RPS6KC1: variants seen among roughly 807,000 people sequenced by gnomAD.
RPS6KC1 encodes the protein ribosomal protein S6 kinase C1.
RPS6KC1 carries 54 observed loss-of-function variants against 103.8 expected under a neutral mutation model. The ratio of observed to expected loss-of-function variants is 0.52; its 90% CI spans 0.42 to 0.65. The LOEUF is 0.65. RPS6KC1 is among the 30% of genes least tolerant of loss of function. RPS6KC1 has a pLI of 0.00. For missense variants in RPS6KC1, 1,151 were observed against 1,253.8 expected (o/e 0.92, Z 1.24); for synonymous variants, 439 against 438.7 (o/e 1.00, Z -0.01).
chr1:213,752,938 C>T, the RPS6KC1 span, among the ~76,000 whole-genome samples: 1 of 152,212 alleles, frequency 6.6e-6, no homozygotes. Context: ...TTCAACCCTT[C>T]TTTCTGAGAT....
chr1:213,805,209 G>T, the RPS6KC1 span, among the ~76,000 whole-genome samples: 1 of 152,204 alleles, frequency 6.6e-6, no homozygotes, highest in East Asian at 1.9e-4. Flanking sequence ...GAGGGTTAGG[G>T]TGGCTGTGAC....
At chr1:213,509,120 T>C in the RPS6KC1 span, among the ~76,000 whole-genome samples, 2 of 152,150 alleles carry the variant, frequency 1.3e-5, no homozygotes, top group African/African-American at 4.8e-5. Flanking sequence ...GACATTTTGG[T>C]AGTAAGGTGT....
the RPS6KC1 span, among the ~76,000 whole-genome samples, chr1:213,386,988 C>A: frequency 6.6e-6 from 1 of 152,034 alleles, no homozygotes; most frequent in Non-Finnish European, 1.5e-5. Context: ...GCTCTTGCAT[C>A]TTTTTCTCTC....
the RPS6KC1 span, among the ~76,000 whole-genome samples, chr1:213,374,405 A>G: frequency 6.6e-6 from 1 of 152,148 alleles, no homozygotes. Flanking sequence ...CTGCAGAACT[A>G]AGGTCCAATG....
At chr1:213,214,141 G>C (rs2093593720) in intron 8 of RPS6KC1, among the ~76,000 whole-genome samples, 1 of 152,216 alleles carries the variant, frequency 6.6e-6, no homozygotes, top group Non-Finnish European at 1.5e-5. Flanking sequence ...GGAAAGAGAT[G>C]ACAGATGGCA....
intron 8 of RPS6KC1, among the ~76,000 whole-genome samples, chr1:213,212,044 G>GTACATTTAT (rs1388911031): frequency 3.4e-4 from 51 of 152,142 alleles, no homozygotes; most frequent in Admixed American, 3.3e-3. Flanking sequence ...CACCAGAGTG[G>GTACATTTAT]TACATTTATT....
the RPS6KC1 span, among the ~76,000 whole-genome samples, chr1:213,640,669 A>G: frequency 3.3e-5 from 5 of 151,768 alleles, no homozygotes; most frequent in African/African-American, 1.2e-4. Flanking sequence ...TAAGGGTTTT[A>G]CCTTTCCACA....
chr1:213,416,186 A>G, the RPS6KC1 span, among the ~76,000 whole-genome samples: 3 of 152,172 alleles, frequency 2.0e-5, no homozygotes, highest in Non-Finnish European at 4.4e-5. Context: ...TGAAGACAAG[A>G]GCATGCCCGT....
the RPS6KC1 span, among the ~76,000 whole-genome samples, chr1:213,390,581 C>A: frequency 6.6e-6 from 1 of 152,274 alleles, no homozygotes; most frequent in East Asian, 1.9e-4. Context: ...CTGCTTGTAA[C>A]GGCTGGAGGA....
chr1:213,848,787 A>G, the RPS6KC1 span, among the ~76,000 whole-genome samples: 1 of 152,272 alleles, frequency 6.6e-6, no homozygotes, highest in South Asian at 2.1e-4. Context: ...TTATATTGTA[A>G]TGCTCTAACC....
the RPS6KC1 span, among the ~76,000 whole-genome samples, chr1:213,715,651 AG>A: frequency 1.3e-5 from 2 of 152,374 alleles, no homozygotes; most frequent in Non-Finnish European, 2.9e-5. Flanking sequence ...GAAGAGGTAA[AG>A]TCTGGGCAGT....
At chr1:213,424,434 C>T in the RPS6KC1 span, among the ~76,000 whole-genome samples, 4 of 152,308 alleles carry the variant, frequency 2.6e-5, no homozygotes, top group African/African-American at 7.2e-5. Flanking sequence ...AACTTAGAAG[C>T]GTTTCGAGAG....
chr1:213,510,857 T>G, the RPS6KC1 span, among the ~76,000 whole-genome samples: 1 of 152,276 alleles, frequency 6.6e-6, no homozygotes, highest in East Asian at 1.9e-4. Context: ...TTTTTACTTC[T>G]GTGACTACTT....
At chr1:213,555,253 C>G in the RPS6KC1 span, among the ~76,000 whole-genome samples, 2 of 152,178 alleles carry the variant, frequency 1.3e-5, no homozygotes, top group Non-Finnish European at 2.9e-5. Context: ...TCAGAACAAA[C>G]TAGGGCCCCA....
chr1:213,241,909 AAAC>A lies in RPS6KC1; in HGVS notation c.2438_2440del (p.Asn813del), dbSNP rs750462012. On this transcript the variant is annotated inframe_deletion, in exon 11 of 15. Coordinates refer to ENST00000366960, the MANE Select transcript of RPS6KC1 (RefSeq NM_012424.6). ...GAGTGGTTGAGTCAGCAGTAACTGC[AAAC>A]AACACAGAAGAAAGCTTATTCCGTA... 28 of 1,613,918 alleles carry A rather than the reference AAAC, an allele frequency of 1.7e-5. No individual in the cohort carries two copies. Among genetic ancestry groups the A allele is most frequent in the Non-Finnish European group, 2.1e-5 (25 of 1,179,966 alleles).
chr1:213,783,060 C>A, the RPS6KC1 span, among the ~76,000 whole-genome samples: 2 of 152,198 alleles, frequency 1.3e-5, no homozygotes, highest in Non-Finnish European at 2.9e-5. Context: ...ATGAACAGGG[C>A]TGTTCCACAA....
the RPS6KC1 span, among the ~76,000 whole-genome samples, chr1:213,322,791 G>A: frequency 6.6e-6 from 1 of 151,174 alleles, no homozygotes; most frequent in Non-Finnish European, 1.5e-5. Flanking sequence ...CATTCTTGTT[G>A]CCCAGGCTGG....
At chr1:213,063,991 T>C (rs1414740236) in intron 1 of RPS6KC1, among the ~76,000 whole-genome samples, 1 of 152,194 alleles carries the variant, frequency 6.6e-6, no homozygotes, top group African/African-American at 2.4e-5. Context: ...TCAAGATATA[T>C]AGGTAGTACT....
chr1:213,688,145 C>T, the RPS6KC1 span, among the ~76,000 whole-genome samples: 2 of 152,094 alleles, frequency 1.3e-5, no homozygotes, highest in African/African-American at 2.4e-5. Flanking sequence ...CCATTCCCCA[C>T]CCTTTTGGAA....
Sources: gnomAD v4.1 joint callset for allele counts (sites outside exome capture counted in the v4.1 genomes callset) on GRCh38, gnomAD v4.1.1 for gene constraint, MANE v1.5 for transcripts, NCBI Gene and HGNC (gene_info 2026-07-23, HGNC 2026-07-21) for gene names.